FAM118B: variants seen among roughly 807,000 people sequenced by gnomAD.
FAM118B encodes protein FAM118B.
A neutral mutation model predicts 38.5 loss-of-function variants in FAM118B; 24 were observed. The observed-to-expected ratio is 0.62, with a 90% CI of 0.45 to 0.88. The LOEUF is 0.88. FAM118B is among the 40% of genes least tolerant of loss of function. The pLI, the probability that FAM118B is intolerant of heterozygous loss-of-function variation, is 0.00. For synonymous variants in FAM118B, 138 were observed against 156.3 expected, an observed-to-expected ratio of 0.88 and a Z score of 0.87; for missense variants, 334 against 420.0, an observed-to-expected ratio of 0.80 and a Z score of 1.79.
chr11:126,260,926 A>T (rs1477226088), intron 7 of FAM118B: 2 of 154,852 alleles, frequency 1.3e-5, no homozygotes, highest in Admixed American at 1.3e-4. Context: ...TGCACCGTTG[A>T]AATGTGGCCA....
At chr11:126,216,670 G>C (rs1949983291) in intron 1 of FAM118B, among the ~76,000 whole-genome samples, 1 of 152,226 alleles carries the variant, frequency 6.6e-6, no homozygotes, top group Non-Finnish European at 1.5e-5. Context: ...GAGTCAGTGA[G>C]TTACTGCAGT....
intron 4 of FAM118B, among the ~76,000 whole-genome samples, chr11:126,243,975 A>G (rs149000418): frequency 1.3e-5 from 2 of 151,786 alleles, no homozygotes; most frequent in African/African-American, 4.8e-5. Flanking sequence ...AAACCACATG[A>G]TTTTCTCAGT....
chr11:126,224,549 G>C (rs1434843354), intron 1 of FAM118B, among the ~76,000 whole-genome samples: 2 of 151,238 alleles, frequency 1.3e-5, no homozygotes, highest in East Asian at 3.9e-4. Flanking sequence ...AGAGGGTGCT[G>C]TGTGCTGTGA....
intron 3 of FAM118B, among the ~76,000 whole-genome samples, chr11:126,238,088 G>A (rs1043226567): frequency 4.6e-5 from 7 of 151,910 alleles, no homozygotes; most frequent in Admixed American, 3.3e-4. Flanking sequence ...GAGGCCGGGT[G>A]CGGTGGCTCA....
At chr11:126,237,716 G>T (rs1439332329) in intron 3 of FAM118B, among the ~76,000 whole-genome samples, 1 of 146,888 alleles carries the variant, frequency 6.8e-6, no homozygotes, top group African/African-American at 2.5e-5. Context: ...AATTAGCGGG[G>T]CGTGGTGGCG....
chr11:126,256,894 G>A lies in FAM118B; in HGVS notation c.982+42G>A. 6.4e-7 allele frequency: 1 copy of A among 1,560,736 alleles called. No individual in the cohort carries two copies. Among genetic ancestry groups the A allele is most frequent in the Non-Finnish European group, 8.7e-7 (1 of 1,149,186 alleles). On this transcript the variant is annotated intron_variant, in intron 7 of 8. Coordinates refer to ENST00000533050, the MANE Select transcript of FAM118B (RefSeq NM_024556.4). This position sits in a 1 kb window ranked among gnomAD's most constrained non-coding sequence, Gnocchi z 6.6. ...AGCTGAGGGGAATCAGAGAACAACA[G>A]CTCTTCAGCCTTTTGTGTATTTGTG... is the stretch of plus-strand genomic sequence containing the variant.
chr11:126,225,129 G>A (rs994867183), intron 1 of FAM118B, among the ~76,000 whole-genome samples: 1 of 152,198 alleles, frequency 6.6e-6, no homozygotes, highest in Non-Finnish European at 1.5e-5. Context: ...AAGATGCCAA[G>A]TGCACTTGGC....
At position 126,254,431 on chromosome 11, in the gene FAM118B, A is replaced by G. The variant is rs780189260; in HGVS notation, c.694A>G (p.Met232Val). The change falls in exon 6 of 9, where the codon ATG (methionine) becomes GTG (valine). Residue 232 changes from methionine (M) to valine (V), a missense_variant and splice_region_variant. Transcript: ENST00000533050. ...YQNVLRNTEV[M>V]REIQKLYENK... The stretch of plus-strand genomic sequence containing the variant: ...GAACGTGCTCAGGAACACTGAAGTC[A>G]TGGTGAGTGGGGCTGATCTTGCTGG... 1 of 1,614,172 alleles carries G rather than the reference A, an allele frequency of 6.2e-7. No homozygotes were observed. Among genetic ancestry groups the G allele is most frequent in the African/African-American group, 1.3e-5 (1 of 75,068 alleles).
intron 1 of FAM118B, among the ~76,000 whole-genome samples, chr11:126,225,567 T>C (rs1188410776): frequency 1.3e-5 from 2 of 152,230 alleles, no homozygotes; most frequent in African/African-American, 2.4e-5. Flanking sequence ...TTTTATTTTT[T>C]GTAAGTAGAG....
At chr11:126,214,091 G>A (rs1352490109) in intron 1 of FAM118B, among the ~76,000 whole-genome samples, 2 of 152,160 alleles carry the variant, frequency 1.3e-5, no homozygotes, top group African/African-American at 2.4e-5. Flanking sequence ...GCCCACGCCT[G>A]TAATCCCAGC....
chr11:126,261,433 G>A lies in FAM118B; in HGVS notation c.991G>A (p.Val331Met). The A allele has an allele frequency of 6.2e-7, 1 of 1,613,928 alleles. No homozygotes were observed. The highest frequency in any genetic ancestry group is 8.5e-7 in the Non-Finnish European group (1 of 1,179,810). The change falls in exon 8 of 9, where the codon GTG becomes ATG. Residue 331 changes from valine (V) to methionine (M), a missense_variant. Around this residue, in one of 3 missense-constraint regions of FAM118B, gnomAD observed 88 missense variants for 98.1 expected, o/e 0.90. Coordinates refer to ENST00000533050, the MANE Select transcript of FAM118B (RefSeq NM_024556.4). ...TGATGTCCTCTATTTAGCAGGGATG[G>A]TGAGAGAAGGTCAGCTAAATGGCTC... Reference protein sequence around the residue: ...ISTRGTSAGMVREGQLNGSSA... With the variant: ...ISTRGTSAGMMREGQLNGSSA...
intron 7 of FAM118B, 71 bp from the exon 8 acceptor site, chr11:126,261,354 T>G: frequency 7.9e-7 from 1 of 1,262,908 alleles, no homozygotes; most frequent in Non-Finnish European, 1.2e-6. Context: ...TCATCTCCCT[T>G]TAGTTTTCTT....
chr11:126,241,162 G>T lies in FAM118B; in HGVS notation c.339+118G>T. On this transcript the variant is annotated intron_variant, in intron 4 of 8. Transcript: ENST00000533050. ...AATGTAACAGGGATATTCATTTACA[G>T]CTTGTAGGTTTCCATAACATTTGAC... 1.8e-6 allele frequency: 2 copies of T among 1,111,566 alleles called. 1 individual carries two copies. Among genetic ancestry groups the T allele is most frequent in the South Asian group, 3.3e-5 (2 of 60,972 alleles). 68.9% of individuals were successfully genotyped at this position (1,111,566 alleles called of 1,614,324 possible). A position where few individuals can be genotyped will look rare whatever the true frequency, so the allele number is the denominator to read the frequency against.
At chr11:126,237,225 T>TTTTTC in intron 3 of FAM118B, among the ~76,000 whole-genome samples, 1 of 107,878 alleles carries the variant, frequency 9.3e-6, no homozygotes, top group Non-Finnish European at 1.9e-5. Context: ...CTTTTTTTTT[T>TTTTTC]TTTTTTTTTT....
In FAM118B at chr11:126,256,829, A is replaced by G; in HGVS notation, c.959A>G (p.Glu320Gly). Reference sequence around the variant, plus strand: ...GAATATTTCAAGCGACTGACATGTGAGATCTCCACAAGGGGTACATCAGGT... The same window carrying G: ...GAATATTTCAAGCGACTGACATGTGGGATCTCCACAAGGGGTACATCAGGT... Reference protein sequence around the residue: ...LPEYFKRLTCEISTRGTSAGM... With the variant: ...LPEYFKRLTCGISTRGTSAGM... The change falls in exon 7 of 9, where the codon GAG becomes GGG. Residue 320 changes from glutamate to glycine, a missense_variant. Physicochemically the swap from Glu to Gly is moderately conservative, Grantham distance 98 (BLOSUM62 -2). This residue lies in a region of FAM118B where 88 missense variants were observed against 98.1 expected (regional missense o/e 0.90). Coordinates refer to ENST00000533050, the MANE Select transcript of FAM118B (RefSeq NM_024556.4). This position sits in a 1 kb window ranked among gnomAD's most constrained non-coding sequence, Gnocchi z 6.6. 2 of 1,613,702 alleles carry G rather than the reference A, an allele frequency of 1.2e-6. No homozygotes were observed. The highest frequency in any genetic ancestry group is 1.1e-5 in the South Asian group (1 of 91,070).
At position 126,256,721 on chromosome 11, in the gene FAM118B, A is replaced by T; in HGVS notation, c.851A>T (p.Asp284Val). ...ATGCTGGTTCGGAGAGGAGACGTAG[A>T]TGAGTTCAAAAAGCTTCGAGAAAAC... is the stretch of plus-strand genomic sequence containing the variant. ...HFMLVRRGDV[D>V]EFKKLRENML... The change falls in exon 7 of 9, where the codon GAT becomes GTT. Residue 284 changes from aspartate (D) to valine (V), a missense_variant. Coordinates refer to ENST00000533050, the MANE Select transcript of FAM118B (RefSeq NM_024556.4). This position sits in a 1 kb window ranked among gnomAD's most constrained non-coding sequence, Gnocchi z 6.6. The T allele has an allele frequency of 6.2e-7, 1 of 1,614,240 alleles. No homozygotes were observed. The highest frequency in any genetic ancestry group is 8.5e-7 in the Non-Finnish European group (1 of 1,180,044).
Position 126,262,110 on chromosome 11 carries a change from CT to C in FAM118B, c.1043-9del. ...AACTTCATTTTGTTCTCTTTTCTTT[CT>C]CCCTACAGGCTGTAGTACATGAGCG... On this transcript the variant is annotated splice_polypyrimidine_tract_variant and intron_variant, in intron 8 of 8. Coordinates refer to ENST00000533050, the MANE Select transcript of FAM118B (RefSeq NM_024556.4). 1 of 1,614,030 alleles carries C rather than the reference CT, an allele frequency of 6.2e-7. No homozygotes were observed. The highest frequency in any genetic ancestry group is 8.5e-7 in the Non-Finnish European group (1 of 1,179,946).
At chr11:126,229,001 A>G (rs1040672963) in intron 1 of FAM118B, among the ~76,000 whole-genome samples, 1 of 152,224 alleles carries the variant, frequency 6.6e-6, no homozygotes, top group South Asian at 2.1e-4. Context: ...GTTATTTCTC[A>G]TAGGTAACCC....
chr11:126,248,358 C>CTTTTT (rs1167017613), intron 4 of FAM118B, among the ~76,000 whole-genome samples: 3,424 of 36,952 alleles, frequency 0.093, 1,490 homozygotes, highest in African/African-American at 0.18. Flanking sequence ...TAGTAGTTGA[C>CTTTTT]TTTTTTTTTT....
Sources: allele counts gnomAD v4.1 joint callset (sites outside exome capture counted in the v4.1 genomes callset), GRCh38; gene constraint gnomAD v4.1.1; regional missense constraint gnomAD v4.1.1; non-coding constraint Gnocchi (gnomAD v3.1); transcripts MANE v1.5; gene names NCBI Gene and HGNC (gene_info 2026-07-23, HGNC 2026-07-21).